The following SPON2 variants were observed in gnomAD, a reference collection of about 807,000 sequenced individuals.
SPON2 encodes spondin-2.
Under a neutral mutation model 29.9 loss-of-function variants are expected in SPON2, and 32 were observed. The ratio of observed to expected loss-of-function variants is 1.07; its 90% CI spans 0.81 to 1.44. The LOEUF (loss-of-function observed/expected upper bound fraction) is 1.44, where lower values mean the gene tolerates loss of function less well. SPON2 is among the 40% of genes most tolerant of loss of function. The pLI is 0.00. For synonymous variants in SPON2, 248 were observed against 209.1 expected (o/e 1.19, Z -1.61); for missense variants, 541 against 455.5 (o/e 1.19, Z -1.71).
At chr4:1,167,943 GCCCCTGGGAAC>G (rs1177382538) in intron 5 of SPON2, 3 of 351,870 alleles carry the variant, frequency 8.5e-6, no homozygotes, top group Non-Finnish European at 1.5e-5. Context: ...AGAGTAAGGG[GCCCCTGGGAAC>G]CCCGTGGGAA....
At chr4:1,196,334 T>C (rs988607423), upstream of SPON2, among the ~76,000 whole-genome samples, 2 of 152,246 alleles carry the variant, frequency 1.3e-5, no homozygotes, top group African/African-American at 2.4e-5. Flanking sequence ...CTCCTCTGTC[T>C]GACAGCATAG....
chr4:1,200,452 C>T (rs943622955), intron 1 of SPON2, among the ~76,000 whole-genome samples: 1 of 152,032 alleles, frequency 6.6e-6, no homozygotes, highest in Non-Finnish European at 1.5e-5. Flanking sequence ...GCGAGGATGG[C>T]TGAGCCGCCC....
intron 1 of SPON2, chr4:1,194,983 G>GTT (rs1560210630): frequency 3.5e-5 from 5 of 143,720 alleles, no homozygotes; most frequent in African/African-American, 1.1e-4. Flanking sequence ...GCAGCCGGCG[G>GTT]CCTCACCTCA....
chr4:1,196,486 A>G (rs1047813821), upstream of SPON2, among the ~76,000 whole-genome samples: 3 of 152,210 alleles, frequency 2.0e-5, no homozygotes, highest in African/African-American at 7.2e-5. Flanking sequence ...ATAGCTGAGA[A>G]GCAGAGCAGA....
intron 1 of SPON2, 96 bp downstream of exon 1, chr4:1,172,448 G>C: frequency 2.9e-6 from 1 of 344,088 alleles, no homozygotes; most frequent in Non-Finnish European, 5.4e-6. Flanking sequence ...GCCAGTCCTG[G>C]GGGTCCCTCT....
intron 1 of SPON2, among the ~76,000 whole-genome samples, chr4:1,194,726 G>A (rs1728003722): frequency 6.6e-6 from 1 of 152,050 alleles, no homozygotes; most frequent in South Asian, 2.1e-4. Context: ...TGCCGGGCGC[G>A]GGGGGAATGT....
rs751252040 is a variant in SPON2, at chr4:1,170,504, C to T, written c.709G>A (p.Ala237Thr). Residue 237 changes from alanine to threonine, a missense_variant, in exon 5 of 6, where the codon GCC (alanine) becomes ACC (threonine). By Grantham distance (58) the Ala-to-Thr change is moderately conservative (BLOSUM62 0). Transcript: ENST00000290902. Reference protein sequence around the residue: ...YPRLKALPPIARVTLVRLRQS... With the variant: ...YPRLKALPPITRVTLVRLRQS... ...CGCAGCCGCACCAGTGTCACCCTGGCGATGGGAGGCAGGGCCTTCAGCCGC... is the reference window on the plus strand; with the variant it reads ...CGCAGCCGCACCAGTGTCACCCTGGTGATGGGAGGCAGGGCCTTCAGCCGC... 15 of 1,613,852 alleles carry T rather than the reference C, an allele frequency of 9.3e-6. No individual in the cohort carries two copies. The highest frequency in any genetic ancestry group is 4.5e-5 in the East Asian group (2 of 44,876).
intron 1 of SPON2, among the ~76,000 whole-genome samples, chr4:1,192,042 C>T (rs997875677): frequency 1.3e-5 from 2 of 152,216 alleles, no homozygotes; most frequent in African/African-American, 4.8e-5. Context: ...CTCATCTCTC[C>T]ACAGCAAGGA....
At chr4:1,201,707 T>A (rs1014577230) in intron 1 of SPON2, among the ~76,000 whole-genome samples, 3 of 151,988 alleles carry the variant, frequency 2.0e-5, no homozygotes, top group Admixed American at 6.6e-5. Context: ...CTCAGCCTCC[T>A]GAGTAGCTGG....
intron 5 of SPON2, 33 bp from the exon 6 acceptor site, chr4:1,167,689 G>A: frequency 6.5e-7 from 1 of 1,550,146 alleles, no homozygotes; most frequent in Non-Finnish European, 8.7e-7. Flanking sequence ...CGAGGTGAAC[G>A]CTCGCGTGAA....
At chr4:1,171,520 G>A (rs1226101144) in intron 2 of SPON2, 34 bp from the exon 3 acceptor site, 5 of 1,593,344 alleles carry the variant, frequency 3.1e-6, no homozygotes, top group Non-Finnish European at 4.3e-6. Flanking sequence ...GCGGACCATG[G>A]TCAGACACTG....
In SPON2 at chr4:1,166,975, C is replaced by G. The variant is rs1195403953; in HGVS notation, c.*497G>C. On this transcript the variant is annotated 3_prime_UTR_variant, in exon 6 of 6. Transcript: ENST00000290902. ...AGTCTTTATTCAAACGCAGAGAGAT[C>G]CATAACATGGAAACACTGACGCTTC... is the stretch of plus-strand genomic sequence containing the variant. 6.5e-6 allele frequency: 1 copy of G among 154,090 alleles called. No homozygotes were observed. The highest frequency in any genetic ancestry group is 1.4e-5 in the Non-Finnish European group (1 of 69,302). The allele number at this position is 154,090 out of a possible 1,614,324, so 9.5% of individuals were successfully genotyped here.
rs1727487234 is a variant in SPON2, at chr4:1,172,354, T to G, written c.-4+190A>C. 19 of 543,486 alleles carry G rather than the reference T, an allele frequency of 3.5e-5. No individual in the cohort carries two copies. The South Asian group carries it at 4.0e-4, about 11-fold the overall frequency. 33.7% of individuals were successfully genotyped at this position (543,486 alleles called of 1,614,324 possible). On this transcript the variant is annotated intron_variant, in intron 1 of 5. Transcript: ENST00000290902. ...TTGCCGGGCCGGTCTGGGTGCGGCC[T>G]CCGGGATGCCTTCGCCGTCGCAGGG...
At position 1,202,081 on chromosome 4, in the gene SPON2, C is replaced by A. The variant is rs1728223913; in HGVS notation, c.-234+5799G>T. Among the ~76,000 whole-genome samples, 1 of 152,248 alleles carries A rather than the reference C, an allele frequency of 6.6e-6. No individual in the cohort carries two copies. The highest frequency in any genetic ancestry group is 6.5e-5 in the Admixed American group (1 of 15,290). ...ACGTTCATCATCCGCAGAAGACGTC[C>A]TGTGCCTGTTAGCAACCGCTCCCCG... On this transcript the variant is annotated intron_variant, in intron 1 of 3. Transcript: ENST00000509233. This position sits in a 1 kb window ranked among gnomAD's most constrained non-coding sequence, Gnocchi z 5.4.
At chr4:1,203,274 C>G (rs1041030612) in intron 1 of SPON2, among the ~76,000 whole-genome samples, 28 of 152,344 alleles carry the variant, frequency 1.8e-4, no homozygotes, top group Admixed American at 1.8e-3. Flanking sequence ...CCCTCGCCCC[C>G]AGCCCCGGGC....
chr4:1,174,274 G>T (rs1421247211), upstream of SPON2, among the ~76,000 whole-genome samples: 6 of 152,014 alleles, frequency 3.9e-5, 1 homozygote, highest in South Asian at 1.0e-3. Context: ...ATCACTTGAG[G>T]TCAGGAACTC....
upstream of SPON2, among the ~76,000 whole-genome samples, chr4:1,196,626 G>A (rs866896617): frequency 6.6e-6 from 1 of 152,172 alleles, no homozygotes; most frequent in Non-Finnish European, 1.5e-5. Context: ...GAAACCCCAT[G>A]GGCAGGTGTG....
intron 5 of SPON2, chr4:1,167,920 C>T: frequency 4.9e-6 from 2 of 407,484 alleles, no homozygotes; most frequent in Non-Finnish European, 8.7e-6. Flanking sequence ...TGGTGGAACT[C>T]CCACATCGTG....
chr4:1,171,219 G>T lies in SPON2; in HGVS notation c.445-29C>A, dbSNP rs1727429735. On this transcript the variant is annotated intron_variant, in intron 3 of 5. Transcript: ENST00000290902. Reference sequence around the variant, plus strand: ...CGGCGACAGCGGCTCAGCGCGCCTGGCCCCGGCCCCCCGGACCCCGCCCCC... The same window carrying T: ...CGGCGACAGCGGCTCAGCGCGCCTGTCCCCGGCCCCCCGGACCCCGCCCCC... 8 of 1,448,916 alleles carry T rather than the reference G, an allele frequency of 5.5e-6. No homozygotes were observed. In the African/African-American group the frequency reaches 6.0e-5, roughly 11 times the overall value. The allele number at this position is 1,448,916 out of a possible 1,614,324, so 89.8% of individuals were successfully genotyped here.
Sources: allele counts gnomAD v4.1 joint callset (sites outside exome capture counted in the v4.1 genomes callset), GRCh38; gene constraint gnomAD v4.1.1; non-coding constraint Gnocchi (gnomAD v3.1); transcripts MANE v1.5; gene names NCBI Gene and HGNC (gene_info 2026-07-23, HGNC 2026-07-21).